COL21A1: variants seen among roughly 807,000 people sequenced by gnomAD.
The protein encoded by COL21A1 is collagen type XXI alpha 1 chain, also known as collagen alpha-1(XXI) chain.
COL21A1 carries 149 observed loss-of-function variants against 137.9 expected under a neutral mutation model. The observed-to-expected ratio is 1.08, with a 90% confidence interval of 0.95 to 1.24. COL21A1 has a LOEUF of 1.24. Ranked by LOEUF, COL21A1 falls within the 50% of genes most tolerant of loss-of-function variation. The pLI is 0.00. For missense variants in COL21A1, 1,167 were observed against 1,158.4 expected, an observed-to-expected ratio of 1.01 and a Z score of -0.11; for synonymous variants, 456 against 391.5, an observed-to-expected ratio of 1.16 and a Z score of -1.95.
chr6:56,063,565 C>A (rs1562137588), intron 24 of COL21A1, among the ~76,000 whole-genome samples: 1 of 152,042 alleles, frequency 6.6e-6, no homozygotes, highest in African/African-American at 2.4e-5. Context: ...CAATTCCAAT[C>A]ATTCCTCCTC....
chr6:56,098,638 AAT>A (rs1283689262), intron 17 of COL21A1, among the ~76,000 whole-genome samples: 1 of 15,180 alleles, frequency 6.6e-5, no homozygotes, highest in African/African-American at 4.0e-4. Flanking sequence ...TATATATATA[AAT>A]ATATATAAAT....
chr6:56,305,233 T>C (rs534889207), intron 1 of COL21A1, among the ~76,000 whole-genome samples: 6 of 152,318 alleles, frequency 3.9e-5, no homozygotes, highest in East Asian at 1.9e-4. Flanking sequence ...GAGAGTTCTG[T>C]AGATGTCTAT....
rs562895514 is a variant in COL21A1 at position 56,242,890 on chromosome 6, G to A, written c.-39+4497C>T. Among the ~76,000 whole-genome samples, 12 of 152,274 alleles carry A rather than the reference G, an allele frequency of 7.9e-5. No homozygotes were observed. In the South Asian group the frequency reaches 2.1e-3, roughly 26 times the overall value. ...GAACAGGTATAACTGTAGTATTCCA[G>A]TTGTATTCTGTAAGTTGGATTGTGC... On this transcript the variant is annotated intron_variant, in intron 1 of 29. Transcript: ENST00000244728.
At chr6:56,292,491 T>C (rs1764071863) in intron 1 of COL21A1, among the ~76,000 whole-genome samples, 1 of 151,714 alleles carries the variant, frequency 6.6e-6, no homozygotes, top group African/African-American at 2.4e-5. Context: ...TGTTTTGCTT[T>C]TTGTTTTTCC....
intron 1 of COL21A1, among the ~76,000 whole-genome samples, chr6:56,393,528 C>T (rs1282254981): frequency 6.6e-6 from 1 of 152,086 alleles, no homozygotes; most frequent in East Asian, 1.9e-4. Flanking sequence ...ATCTTCTGCA[C>T]AGCAAAGGAA....
intron 17 of COL21A1, among the ~76,000 whole-genome samples, chr6:56,100,249 C>G (rs895812248): frequency 2.0e-5 from 3 of 152,156 alleles, no homozygotes; most frequent in African/African-American, 7.2e-5. Flanking sequence ...TCCTTTGATT[C>G]CCAGTCATCC....
At chr6:56,097,392 G>T (rs1024907872) in intron 17 of COL21A1, among the ~76,000 whole-genome samples, 2 of 151,928 alleles carry the variant, frequency 1.3e-5, no homozygotes, top group Non-Finnish European at 2.9e-5. Flanking sequence ...TTTGAACTTG[G>T]TAATTTAGTT....
At chr6:56,377,872 G>C (rs2094002175) in intron 1 of COL21A1, among the ~76,000 whole-genome samples, 1 of 152,054 alleles carries the variant, frequency 6.6e-6, no homozygotes. Context: ...TTGCATCCTG[G>C]ATACCGCCAG....
intron 1 of COL21A1, among the ~76,000 whole-genome samples, chr6:56,253,007 C>T (rs985492425): frequency 3.9e-5 from 6 of 152,146 alleles, no homozygotes; most frequent in African/African-American, 1.2e-4. Flanking sequence ...TCTATCTAAG[C>T]AGATATGACC....
At chr6:56,089,828 C>T (rs1768623457) in intron 17 of COL21A1, among the ~76,000 whole-genome samples, 1 of 152,088 alleles carries the variant, frequency 6.6e-6, no homozygotes, top group African/African-American at 2.4e-5. Context: ...GCATTTATTC[C>T]TCTTGAAATT....
Position 56,170,757 on chromosome 6 carries a change from C to T in COL21A1, c.918G>A (p.Arg306=), listed in dbSNP as rs376838376. 1.3e-5 allele frequency: 21 copies of T among 1,607,544 alleles called. No individual in the cohort carries two copies. In the African/African-American group the frequency reaches 1.9e-4, roughly 14 times the overall value. Residue 306 remains arginine (R), a synonymous_variant, in exon 5 of 30, where the codon AGG becomes AGA. Coordinates refer to ENST00000244728, the MANE Select transcript of COL21A1 (RefSeq NM_030820.4). ...CATTTAAGGTAACTGCTATTTGTGG[C>T]CTTCCATCAATAGTTAATATTCTCC... ...DLWRILTIDG[R]PQIAVTLNGV...
intron 1 of COL21A1, among the ~76,000 whole-genome samples, chr6:56,297,069 T>G (rs9367680): frequency 6.6e-6 from 1 of 151,890 alleles, no homozygotes. Flanking sequence ...GTCTTCTGCT[T>G]TATTAAATTG....
intron 17 of COL21A1, among the ~76,000 whole-genome samples, chr6:56,094,991 T>C (rs998056986): frequency 6.6e-6 from 1 of 152,188 alleles, no homozygotes; most frequent in African/African-American, 2.4e-5. Context: ...TTTACAGGTT[T>C]CAGAAGTTAA....
chr6:56,208,874 A>T (rs901225480), intron 1 of COL21A1, among the ~76,000 whole-genome samples: 1 of 152,310 alleles, frequency 6.6e-6, no homozygotes, highest in Non-Finnish European at 1.5e-5. Flanking sequence ...AACACCACAC[A>T]TCTACAACCA....
intron 2 of COL21A1, 98 bp from the exon 3 acceptor site, chr6:56,180,227 T>C (rs924310882): frequency 2.3e-6 from 2 of 875,874 alleles, no homozygotes; most frequent in Non-Finnish European, 1.7e-6. Flanking sequence ...ACTAATATCA[T>C]TGCTTATTTT....
chr6:56,189,817 A>G (rs1677270565), intron 1 of COL21A1, among the ~76,000 whole-genome samples: 1 of 152,230 alleles, frequency 6.6e-6, no homozygotes, highest in South Asian at 2.1e-4. Flanking sequence ...CCAATATTCA[A>G]CATTCTTAAA....
chr6:56,192,647 T>C (rs1001130129), intron 1 of COL21A1, among the ~76,000 whole-genome samples: 13 of 152,142 alleles, frequency 8.5e-5, no homozygotes, highest in African/African-American at 3.1e-4. Context: ...TACCATCTCA[T>C]GCCAGTTAGA....
In COL21A1 at chr6:56,243,376, G is replaced by A. The variant is rs114236790; in HGVS notation, c.-39+4011C>T. ...GTATCAACTGGGACCTTACAAAAAT[G>A]TTGTTCTAAATTTATTATTTTCTGA... On this transcript the variant is annotated intron_variant, in intron 1 of 29. Coordinates refer to ENST00000244728, the MANE Select transcript of COL21A1 (RefSeq NM_030820.4). Among the ~76,000 whole-genome samples the A allele has an allele frequency of 6.2e-3, 943 of 152,216 alleles. 13 individuals carry two copies. The highest frequency in any genetic ancestry group is 0.021 in the African/African-American group (876 of 41,542).
At chr6:56,237,764 G>A (rs1266936761) in intron 1 of COL21A1, among the ~76,000 whole-genome samples, 1 of 151,986 alleles carries the variant, frequency 6.6e-6, no homozygotes, top group East Asian at 1.9e-4. Flanking sequence ...TACATAAATG[G>A]CTCTAACTAT....
Sources: gnomAD v4.1 joint callset for allele counts (sites outside exome capture counted in the v4.1 genomes callset) on GRCh38, gnomAD v4.1.1 for gene constraint, MANE v1.5 for transcripts, NCBI Gene and HGNC (gene_info 2026-07-23, HGNC 2026-07-21) for gene names.